SMIM36: variants seen among roughly 807,000 people sequenced by gnomAD.
The protein encoded by SMIM36 is small integral membrane protein 36.
chr17:55,498,815 A>G (rs1241745567), intron 1 of SMIM36, among the ~76,000 whole-genome samples: 1 of 151,840 alleles, frequency 6.6e-6, no homozygotes, highest in Non-Finnish European at 1.5e-5. Context: ...CCTATCCAAC[A>G]TGACAAAACC....
chr17:55,494,730 T>C lies in SMIM36; in HGVS notation c.*175-15150A>G, dbSNP rs578136909. On this transcript the variant is annotated intron_variant, in intron 1 of 4. Transcript: ENST00000636752. Reference sequence around the variant, plus strand: ...CACGAGTGCTAAAATTATAAGTATATAAGTATATACAAATATAAGTATAGA... The same window carrying C: ...CACGAGTGCTAAAATTATAAGTATACAAGTATATACAAATATAAGTATAGA... 2.6e-5 allele frequency among the ~76,000 whole-genome samples: 4 copies of C among 152,284 alleles called. 1 individual carries two copies. In the East Asian group the frequency reaches 7.7e-4, roughly 29 times the overall value.
chr17:55,490,107 G>C (rs1256949652), intron 1 of SMIM36, among the ~76,000 whole-genome samples: 9 of 151,548 alleles, frequency 5.9e-5, no homozygotes, highest in Non-Finnish European at 1.2e-4. Context: ...TGCCTGCCTT[G>C]ACCTCCCAAA....
At chr17:55,456,840 G>A (rs1197442192) in intron 4 of SMIM36, among the ~76,000 whole-genome samples, 1 of 152,206 alleles carries the variant, frequency 6.6e-6, no homozygotes, top group Non-Finnish European at 1.5e-5. Flanking sequence ...CACCCTTGGT[G>A]TTAAATCTCC....
the SMIM36 span, among the ~76,000 whole-genome samples, chr17:55,531,247 A>G: frequency 6.6e-6 from 1 of 152,080 alleles, no homozygotes; most frequent in African/African-American, 2.4e-5. Context: ...ACTTCCCTCA[A>G]TAATGTGGCA....
At chr17:55,494,044 T>C (rs1352849760) in intron 1 of SMIM36, among the ~76,000 whole-genome samples, 3 of 152,102 alleles carry the variant, frequency 2.0e-5, no homozygotes, top group Non-Finnish European at 4.4e-5. Flanking sequence ...GCCCAACTTA[T>C]TCTCTCCTGT....
chr17:55,504,162 T>G (rs1328080844), intron 1 of SMIM36, among the ~76,000 whole-genome samples: 3 of 114,772 alleles, frequency 2.6e-5, no homozygotes, highest in Non-Finnish European at 5.1e-5. Flanking sequence ...ATTAGACAGA[T>G]CAACGAGACA....
chr17:55,497,022 G>GT (rs1443522265), intron 1 of SMIM36, among the ~76,000 whole-genome samples: 1 of 152,144 alleles, frequency 6.6e-6, no homozygotes, highest in Admixed American at 6.6e-5. Flanking sequence ...TGTATATGGG[G>GT]TATCGGAAGA....
intron 3 of SMIM36, among the ~76,000 whole-genome samples, chr17:55,477,506 C>A (rs1211362721): frequency 2.0e-5 from 3 of 152,104 alleles, no homozygotes; most frequent in Non-Finnish European, 4.4e-5. Context: ...AGATTAGGGC[C>A]CGCTCTAATG....
chr17:55,519,552 A>T, the SMIM36 span, among the ~76,000 whole-genome samples: 1 of 152,160 alleles, frequency 6.6e-6, no homozygotes, highest in African/African-American at 2.4e-5. Flanking sequence ...TGTAGGGAAG[A>T]CCATTAGAGT....
the SMIM36 span, among the ~76,000 whole-genome samples, chr17:55,527,452 T>C: frequency 0.01 from 1,590 of 152,306 alleles, 36 homozygotes; most frequent in African/African-American, 0.036. Context: ...CGCAATCCAC[T>C]GATTTTATGA....
intron 4 of SMIM36, among the ~76,000 whole-genome samples, chr17:55,454,492 A>T (rs531418521): frequency 1.3e-5 from 2 of 152,334 alleles, no homozygotes; most frequent in South Asian, 4.1e-4. Context: ...ATTTTTTAAG[A>T]CCTAGAAAAC....
At chr17:55,473,288 TC>T (rs1292709993) in intron 3 of SMIM36, among the ~76,000 whole-genome samples, 1 of 152,184 alleles carries the variant, frequency 6.6e-6, no homozygotes, top group Non-Finnish European at 1.5e-5. Context: ...CTTGTCCTTT[TC>T]CTATGCATCA....
At chr17:55,498,732 C>G (rs1425227956) in intron 1 of SMIM36, among the ~76,000 whole-genome samples, 1 of 151,922 alleles carries the variant, frequency 6.6e-6, no homozygotes, top group Non-Finnish European at 1.5e-5. Flanking sequence ...GGCGTGGTGG[C>G]TCACACCTGT....
intron 1 of SMIM36, among the ~76,000 whole-genome samples, chr17:55,501,286 A>G (rs868685296): frequency 1.3e-4 from 11 of 87,300 alleles, no homozygotes; most frequent in African/African-American, 5.6e-4. Context: ...ATTATATATT[A>G]TATTTTATAA....
chr17:55,521,771 C>T, the SMIM36 span, among the ~76,000 whole-genome samples: 3 of 151,818 alleles, frequency 2.0e-5, no homozygotes, highest in Non-Finnish European at 2.9e-5. Flanking sequence ...GTGCAAGCAC[C>T]ATATGGAATA....
chr17:55,486,710 C>G (rs1026132244), intron 1 of SMIM36, among the ~76,000 whole-genome samples: 2 of 152,164 alleles, frequency 1.3e-5, no homozygotes, highest in South Asian at 4.1e-4. Context: ...CCAAAGTGAA[C>G]TACTGTTCTC....
At chr17:55,487,339 C>G (rs997714532) in intron 1 of SMIM36, among the ~76,000 whole-genome samples, 4 of 152,116 alleles carry the variant, frequency 2.6e-5, no homozygotes, top group African/African-American at 9.7e-5. Flanking sequence ...TACCCTATAA[C>G]TTAGAGTATC....
At chr17:55,523,314 G>A in the SMIM36 span, among the ~76,000 whole-genome samples, 231 of 152,148 alleles carry the variant, frequency 1.5e-3, no homozygotes, top group Non-Finnish European at 2.4e-3. Flanking sequence ...GGCAGATCAC[G>A]ATGTCGGGAG....
chr17:55,524,729 A>T, the SMIM36 span, among the ~76,000 whole-genome samples: 2 of 152,194 alleles, frequency 1.3e-5, no homozygotes, highest in Non-Finnish European at 2.9e-5. Context: ...AGAAAATGGT[A>T]TTCTATTACT....
Sources: gnomAD v4.1 joint callset for allele counts (sites outside exome capture counted in the v4.1 genomes callset) on GRCh38, gnomAD v4.1.1 for gene constraint, MANE v1.5 for transcripts, NCBI Gene and HGNC (gene_info 2026-07-23, HGNC 2026-07-21) for gene names.